Variants in ERC1 observed in about 807,000 individuals in gnomAD.
ERC1 encodes the protein RAB6 interacting protein 2.
A neutral mutation model predicts 132.0 loss-of-function variants in ERC1; 56 were observed. That is an observed-to-expected ratio of 0.42 (90% confidence interval 0.34 to 0.53). ERC1 has a LOEUF of 0.53. ERC1 is among the 20% of genes least tolerant of loss of function. The pLI, the probability that ERC1 is intolerant of heterozygous loss-of-function variation, is 0.03. For missense variants in ERC1, 1,202 were observed against 1,349.9 expected (o/e 0.89, Z 1.72); for synonymous variants, 478 against 476.1 (o/e 1.00, Z -0.05).
chr12:1,204,714 C>T (rs1042876617), intron 12 of ERC1, among the ~76,000 whole-genome samples: 1 of 151,930 alleles, frequency 6.6e-6, no homozygotes, highest in African/African-American at 2.4e-5. Flanking sequence ...TGTGAGTAGT[C>T]AGAGAGCAAG....
At chr12:1,243,047 C>T (rs1418925413) in intron 13 of ERC1, among the ~76,000 whole-genome samples, 1 of 151,270 alleles carries the variant, frequency 6.6e-6, no homozygotes, top group African/African-American at 2.4e-5. Context: ...ATTAGCCAGG[C>T]GCGGTGGCGG....
chr12:1,449,876 GTTATT>G (rs200812553), intron 18 of ERC1, among the ~76,000 whole-genome samples: 1,855 of 149,298 alleles, frequency 0.012, 46 homozygotes, highest in African/African-American at 0.043. Flanking sequence ...ATTTTTTTTT[GTTATT>G]TTATTTTATT....
chr12:1,398,149 A>C (rs1183851456), intron 16 of ERC1, among the ~76,000 whole-genome samples: 3 of 151,594 alleles, frequency 2.0e-5, no homozygotes, highest in Admixed American at 2.0e-4. Flanking sequence ...GTGTCTGGCT[A>C]GTTTTTGTAT....
At chr12:1,271,030 AAC>A (rs1195680135) in intron 14 of ERC1, among the ~76,000 whole-genome samples, 1 of 152,196 alleles carries the variant, frequency 6.6e-6, no homozygotes, top group Admixed American at 6.5e-5. Context: ...TTTTTTAAAA[AAC>A]AGTCTTTAAT....
intron 2 of ERC1, among the ~76,000 whole-genome samples, chr12:1,064,191 T>A (rs1331003240): frequency 2.0e-5 from 3 of 152,080 alleles, no homozygotes; most frequent in Non-Finnish European, 4.4e-5. Flanking sequence ...TACATGTGAC[T>A]TGAGGATTTT....
chr12:1,447,223 T>C (rs1488536390), intron 18 of ERC1, among the ~76,000 whole-genome samples: 1 of 151,840 alleles, frequency 6.6e-6, no homozygotes, highest in Non-Finnish European at 1.5e-5. Flanking sequence ...ACGATGCTTC[T>C]TAAAAGCAGT....
chr12:1,233,698 T>C (rs2075221812), intron 12 of ERC1, among the ~76,000 whole-genome samples: 1 of 151,954 alleles, frequency 6.6e-6, no homozygotes, highest in Non-Finnish European at 1.5e-5. Context: ...AAACATACAA[T>C]CCAGAATGTG....
chr12:1,366,033 AAG>A (rs996372563), intron 15 of ERC1, among the ~76,000 whole-genome samples: 1 of 152,210 alleles, frequency 6.6e-6, no homozygotes, highest in African/African-American at 2.4e-5. Flanking sequence ...TAGAGATAGA[AAG>A]TAAATGATGA....
At chr12:1,379,034 CTT>C (rs1368937814) in intron 16 of ERC1, among the ~76,000 whole-genome samples, 4 of 152,156 alleles carry the variant, frequency 2.6e-5, no homozygotes, top group African/African-American at 4.8e-5. Flanking sequence ...TAATTTTTCA[CTT>C]TCAGTTTGTT....
intron 1 of ERC1, among the ~76,000 whole-genome samples, chr12:1,002,778 T>C (rs1962655056): frequency 6.6e-6 from 1 of 152,204 alleles, no homozygotes; most frequent in South Asian, 2.1e-4. Flanking sequence ...CTAATGAGGT[T>C]GAATAATTTT....
intron 8 of ERC1, among the ~76,000 whole-genome samples, chr12:1,170,276 A>T (rs1442035786): frequency 6.6e-6 from 1 of 152,218 alleles, no homozygotes; most frequent in Non-Finnish European, 1.5e-5. Flanking sequence ...TAATTTGGCT[A>T]GCCTTTTATT....
chr12:1,272,671 C>T (rs1023190427), intron 14 of ERC1, among the ~76,000 whole-genome samples: 3 of 152,086 alleles, frequency 2.0e-5, no homozygotes, highest in South Asian at 2.1e-4. Context: ...TTGAGTAGGC[C>T]GGGCGCTGTG....
chr12:1,092,529 C>A (rs772157993), intron 3 of ERC1, among the ~76,000 whole-genome samples: 8 of 152,174 alleles, frequency 5.3e-5, no homozygotes, highest in Non-Finnish European at 1.0e-4. Context: ...TTCAGTGTTT[C>A]TGCATAAATA....
chr12:1,060,128 C>G (rs1199949755), intron 2 of ERC1, among the ~76,000 whole-genome samples: 1 of 151,052 alleles, frequency 6.6e-6, no homozygotes, highest in Non-Finnish European at 1.5e-5. Context: ...TATAGTTCCA[C>G]ATGGCTGGGG....
At position 1,490,195 on chromosome 12, in the gene ERC1, G is replaced by A. The variant is rs1156583964; in HGVS notation, c.3316G>A (p.Glu1106Lys). ...QIADHCPDIL[E>K]QVVNALEESS is the part of the protein sequence containing the mutation. ...AGCAGACCATTGTCCCGACATCCTA[G>A]AGCAAGTGGTCAACGCCCTGGAAGA... is the stretch of plus-strand genomic sequence containing the variant. Residue 1106 changes from glutamate (E) to lysine (K), a missense_variant, in exon 19 of 19, where the codon GAG becomes AAG. Coordinates refer to ENST00000360905, the MANE Select transcript of ERC1 (RefSeq NM_178040.4). 6.2e-7 allele frequency: 1 copy of A among 1,614,070 alleles called. No individual in the cohort carries two copies. Among genetic ancestry groups the A allele is most frequent in the East Asian group, 2.2e-5 (1 of 44,896 alleles).
At chr12:1,422,762 A>C (rs1056458314) in intron 17 of ERC1, among the ~76,000 whole-genome samples, 1 of 152,168 alleles carries the variant, frequency 6.6e-6, no homozygotes, top group Non-Finnish European at 1.5e-5. Context: ...AGTTTGCTGA[A>C]AACCCTCCAT....
intron 18 of ERC1, among the ~76,000 whole-genome samples, chr12:1,457,259 A>G (rs922211156): frequency 2.6e-5 from 4 of 152,244 alleles, no homozygotes; most frequent in Admixed American, 1.3e-4. Context: ...TGCATTTCTC[A>G]GAATGTATCC....
intron 1 of ERC1, among the ~76,000 whole-genome samples, chr12:1,018,091 G>A (rs1965800368): frequency 6.6e-6 from 1 of 152,166 alleles, no homozygotes; most frequent in South Asian, 2.1e-4. Flanking sequence ...AGGAAGAACA[G>A]TTTTTTAAAA....
chr12:1,175,126 C>T (rs1023184679), intron 8 of ERC1, among the ~76,000 whole-genome samples: 3 of 152,162 alleles, frequency 2.0e-5, no homozygotes, highest in Admixed American at 1.3e-4. Context: ...TTCAGCAACT[C>T]GTAATATTCT....
Sources: allele counts gnomAD v4.1 joint callset (sites outside exome capture counted in the v4.1 genomes callset), GRCh38; gene constraint gnomAD v4.1.1; transcripts MANE v1.5; gene names NCBI Gene and HGNC (gene_info 2026-07-23, HGNC 2026-07-21).